The following MDFIC2 variants were observed in gnomAD, a reference collection of about 807,000 sequenced individuals.
MDFIC2 encodes the protein myoD family inhibitor domain-containing protein 2.
At chr3:70,304,133 A>C (rs1702377748) in intron 2 of MDFIC2, among the ~76,000 whole-genome samples, 1 of 152,108 alleles carries the variant, frequency 6.6e-6, no homozygotes, top group South Asian at 2.1e-4. Context: ...CTTCCAGCCA[A>C]GCTCTCTACA....
chr3:70,289,644 C>T (rs1319830456), intron 2 of MDFIC2, among the ~76,000 whole-genome samples: 1 of 151,610 alleles, frequency 6.6e-6, no homozygotes, highest in African/African-American at 2.4e-5. Context: ...GGATAATATC[C>T]TGCAGAGTGT....
At position 70,286,917 on chromosome 3, in the gene MDFIC2, G is replaced by T. The variant is rs535167233; in HGVS notation, c.88+24969C>A. Among the ~76,000 whole-genome samples, 1,142 of 151,750 alleles carry T rather than the reference G, an allele frequency of 7.5e-3. 18 individuals carry two copies. The highest frequency in any genetic ancestry group is 0.026 in the African/African-American group (1,093 of 41,334). ...TTTGTACATTGATTTTGTATCCTGA[G>T]ACTTTGCTGAAGTTGCTTATCAGCT... On this transcript the variant is annotated intron_variant, in intron 2 of 3. Coordinates refer to ENST00000567252, the MANE Select transcript of MDFIC2 (RefSeq NM_001364677.1).
At chr3:70,227,719 A>G (rs1290465193) in intron 2 of MDFIC2, among the ~76,000 whole-genome samples, 1 of 152,208 alleles carries the variant, frequency 6.6e-6, no homozygotes, top group Non-Finnish European at 1.5e-5. Context: ...CTTTCAATGA[A>G]TAAGCTCTGA....
intron 2 of MDFIC2, among the ~76,000 whole-genome samples, chr3:70,298,602 G>A (rs1050815684): frequency 6.6e-6 from 1 of 152,018 alleles, no homozygotes; most frequent in Non-Finnish European, 1.5e-5. Flanking sequence ...CCTCTTTCTC[G>A]TTAAAATCAC....
chr3:70,289,217 T>C (rs1487371261), intron 2 of MDFIC2, among the ~76,000 whole-genome samples: 5 of 150,808 alleles, frequency 3.3e-5, no homozygotes, highest in African/African-American at 1.2e-4. Context: ...CTTTCCATGT[T>C]TAGCGCTTCC....
intron 2 of MDFIC2, among the ~76,000 whole-genome samples, chr3:70,290,708 T>C (rs946857072): frequency 1.3e-5 from 2 of 152,068 alleles, no homozygotes; most frequent in African/African-American, 4.8e-5. Context: ...TAGCAATCAG[T>C]GAGACTCCGT....
At chr3:70,229,381 A>C (rs1701538286) in intron 2 of MDFIC2, among the ~76,000 whole-genome samples, 2 of 152,218 alleles carry the variant, frequency 1.3e-5, no homozygotes, top group Admixed American at 1.3e-4. Flanking sequence ...ATATGGCTAA[A>C]GAAGATCATT....
At chr3:70,237,284 A>C (rs902964405) in intron 2 of MDFIC2, among the ~76,000 whole-genome samples, 2 of 152,194 alleles carry the variant, frequency 1.3e-5, no homozygotes, top group African/African-American at 4.8e-5. Context: ...TCCAGTGCGG[A>C]TACACCACAA....
At chr3:70,262,593 AATATT>A (rs1441373814) in intron 2 of MDFIC2, among the ~76,000 whole-genome samples, 1 of 152,180 alleles carries the variant, frequency 6.6e-6, no homozygotes, top group Non-Finnish European at 1.5e-5. Flanking sequence ...AGTTGCATGT[AATATT>A]ATATTACAGA....
intron 2 of MDFIC2, among the ~76,000 whole-genome samples, chr3:70,240,572 C>T (rs905548351): frequency 6.6e-6 from 1 of 152,180 alleles, no homozygotes; most frequent in African/African-American, 2.4e-5. Context: ...TTAATTCTGA[C>T]ACCAGACTGT....
Position 70,229,252 on chromosome 3 carries a change from G to A in MDFIC2, c.89-22462C>T, listed in dbSNP as rs911894854. 5.3e-5 allele frequency among the ~76,000 whole-genome samples: 8 copies of A among 152,158 alleles called. No individual in the cohort carries two copies. The East Asian group carries it at 1.5e-3, about 29-fold the overall frequency. ...GAAGCAAGAGAAAATTCCAGAGATA[G>A]CCAAGGAGGGTGAGTGTGTGAAAGA... On this transcript the variant is annotated intron_variant, in intron 2 of 3. Transcript: ENST00000567252.
chr3:70,222,620 T>G (rs1388703550), intron 2 of MDFIC2, among the ~76,000 whole-genome samples: 1 of 152,124 alleles, frequency 6.6e-6, no homozygotes, highest in East Asian at 1.9e-4. Flanking sequence ...AGAATAATAC[T>G]TAAGATGGAA....
chr3:70,290,351 T>C (rs1266806666), intron 2 of MDFIC2, among the ~76,000 whole-genome samples: 1 of 152,170 alleles, frequency 6.6e-6, no homozygotes, highest in African/African-American at 2.4e-5. Context: ...TGTTGGGGGG[T>C]GCCTCCCAGT....
chr3:70,219,003 G>A (rs2106735311), intron 2 of MDFIC2, among the ~76,000 whole-genome samples: 1 of 151,526 alleles, frequency 6.6e-6, no homozygotes, highest in South Asian at 2.1e-4. Context: ...GAAAAAAAAA[G>A]TCCCCTTTAA....
intron 2 of MDFIC2, among the ~76,000 whole-genome samples, chr3:70,231,012 G>A (rs1425433901): frequency 1.3e-5 from 2 of 152,204 alleles, no homozygotes; most frequent in African/African-American, 4.8e-5. Flanking sequence ...GGGCCTAGCA[G>A]CCCTGGAACA....
intron 2 of MDFIC2, among the ~76,000 whole-genome samples, chr3:70,274,523 A>C (rs913979401): frequency 6.6e-6 from 1 of 152,188 alleles, no homozygotes; most frequent in African/African-American, 2.4e-5. Context: ...GAAACTTCCA[A>C]ATTGAACAGA....
At chr3:70,230,349 G>C (rs1701546184) in intron 2 of MDFIC2, among the ~76,000 whole-genome samples, 1 of 152,146 alleles carries the variant, frequency 6.6e-6, no homozygotes, top group East Asian at 1.9e-4. Context: ...CATAGCAATA[G>C]AAATTTTTTT....
chr3:70,208,194 C>G (rs543218754), intron 2 of MDFIC2, among the ~76,000 whole-genome samples: 8 of 152,206 alleles, frequency 5.3e-5, no homozygotes, highest in South Asian at 4.1e-4. Flanking sequence ...TTTGGTGGCA[C>G]AACTGGGACG....
intron 2 of MDFIC2, among the ~76,000 whole-genome samples, chr3:70,246,817 C>G (rs1416888296): frequency 6.6e-6 from 1 of 151,894 alleles, no homozygotes; most frequent in Non-Finnish European, 1.5e-5. Context: ...CCCAATAGAC[C>G]TTTATTTTTT....
Sources: allele counts gnomAD v4.1 joint callset (sites outside exome capture counted in the v4.1 genomes callset), GRCh38; gene constraint gnomAD v4.1.1; transcripts MANE v1.5; gene names NCBI Gene and HGNC (gene_info 2026-07-23, HGNC 2026-07-21).